BMPER: variants seen among roughly 807,000 people sequenced by gnomAD.
BMPER encodes BMP binding endothelial regulator.
BMPER carries 45 observed loss-of-function variants against 87.3 expected under a neutral mutation model. The observed-to-expected ratio is 0.52, with a 90% CI of 0.41 to 0.66. BMPER has a LOEUF of 0.66. BMPER is among the 30% of genes least tolerant of loss of function. The pLI is 0.00. For missense variants in BMPER, 784 were observed against 867.5 expected (o/e 0.90, Z 1.21); for synonymous variants, 326 against 316.2 (o/e 1.03, Z -0.33).
intron 5 of BMPER, among the ~76,000 whole-genome samples, chr7:33,974,436 C>T (rs375722739): frequency 5.3e-5 from 8 of 152,272 alleles, no homozygotes; most frequent in East Asian, 1.9e-4. Context: ...ACCCCAAGCA[C>T]GGCTCTCTAT....
At chr7:34,008,515 T>C (rs1786794206) in intron 6 of BMPER, among the ~76,000 whole-genome samples, 1 of 152,022 alleles carries the variant, frequency 6.6e-6, no homozygotes, top group Non-Finnish European at 1.5e-5. Flanking sequence ...ATGTGTCTCA[T>C]CTTTTTATGA....
At chr7:33,917,926 C>T (rs970910139) in intron 2 of BMPER, among the ~76,000 whole-genome samples, 3 of 152,134 alleles carry the variant, frequency 2.0e-5, no homozygotes, top group African/African-American at 7.2e-5. Flanking sequence ...CAGCTTGGCC[C>T]ATGGAAAGGA....
chr7:33,939,471 C>T (rs954732031), intron 3 of BMPER, among the ~76,000 whole-genome samples: 3 of 152,130 alleles, frequency 2.0e-5, no homozygotes, highest in Non-Finnish European at 2.9e-5. Flanking sequence ...GAATCCTGCC[C>T]TGCTCTAAGG....
At chr7:33,967,883 G>A (rs2128617981) in intron 4 of BMPER, among the ~76,000 whole-genome samples, 1 of 152,332 alleles carries the variant, frequency 6.6e-6, no homozygotes, top group South Asian at 2.1e-4. Context: ...AGGTTTTGAA[G>A]TTCCTTAAGT....
chr7:34,050,802 CT>C (rs1187055762), intron 7 of BMPER, among the ~76,000 whole-genome samples: 1 of 152,070 alleles, frequency 6.6e-6, no homozygotes, highest in Admixed American at 6.6e-5. Flanking sequence ...TGTTTTGGTC[CT>C]TTTGTTCACC....
chr7:34,094,135 A>T (rs1331080465), intron 13 of BMPER, among the ~76,000 whole-genome samples: 1 of 152,192 alleles, frequency 6.6e-6, no homozygotes, highest in Non-Finnish European at 1.5e-5. Context: ...CTGTTCTGCC[A>T]TGAGCTCTCA....
At chr7:34,122,858 T>C (rs186047753) in intron 13 of BMPER, among the ~76,000 whole-genome samples, 5 of 152,346 alleles carry the variant, frequency 3.3e-5, no homozygotes, top group Non-Finnish European at 7.3e-5. Context: ...AAATCGGTAT[T>C]TACCTGATTC....
intron 6 of BMPER, among the ~76,000 whole-genome samples, chr7:34,004,074 C>G (rs1400437968): frequency 1.3e-5 from 2 of 152,092 alleles, no homozygotes; most frequent in East Asian, 3.9e-4. Flanking sequence ...ATCTCTGAGA[C>G]TCATTTTTCT....
At chr7:34,069,272 G>C (rs1788678029) in intron 11 of BMPER, among the ~76,000 whole-genome samples, 1 of 152,166 alleles carries the variant, frequency 6.6e-6, no homozygotes, top group African/African-American at 2.4e-5. Flanking sequence ...AATACACTTG[G>C]TGGGAAGTAC....
chr7:33,945,157 C>G lies in BMPER; in HGVS notation c.319+7769C>G, dbSNP rs58260488. Among the ~76,000 whole-genome samples, 371 of 151,284 alleles carry G rather than the reference C, an allele frequency of 2.5e-3. 7 individuals carry two copies. In the East Asian group the frequency reaches 0.033, roughly 14 times the overall value. ...AGGGTTTCACCGTGTTAGCCAGGATCGTCTCGATCTCCTGACCTCGTGATC... is the reference window on the plus strand; with the variant it reads ...AGGGTTTCACCGTGTTAGCCAGGATGGTCTCGATCTCCTGACCTCGTGATC... On this transcript the variant is annotated intron_variant, in intron 3 of 14. Coordinates refer to ENST00000649409, the MANE Select transcript of BMPER (RefSeq NM_001365308.1).
intron 6 of BMPER, among the ~76,000 whole-genome samples, chr7:33,982,377 C>T (rs1176176359): frequency 6.6e-6 from 1 of 152,064 alleles, no homozygotes; most frequent in African/African-American, 2.4e-5. Context: ...GGCAGTTCAT[C>T]TAACTAGTGT....
At chr7:34,027,245 A>G (rs1427930228) in intron 6 of BMPER, among the ~76,000 whole-genome samples, 1 of 152,106 alleles carries the variant, frequency 6.6e-6, no homozygotes, top group Non-Finnish European at 1.5e-5. Context: ...TTTTATTATA[A>G]CACAAAGACA....
At chr7:34,006,278 C>G (rs1416320102) in intron 6 of BMPER, among the ~76,000 whole-genome samples, 3 of 151,870 alleles carry the variant, frequency 2.0e-5, no homozygotes, top group Admixed American at 2.0e-4. Flanking sequence ...ACTTTAAAAG[C>G]CTTAGAAAAA....
At chr7:34,013,457 T>G (rs1465774790) in intron 6 of BMPER, among the ~76,000 whole-genome samples, 1 of 151,934 alleles carries the variant, frequency 6.6e-6, no homozygotes, top group African/African-American at 2.4e-5. Flanking sequence ...TAATTTATTT[T>G]ATCTTTAAAA....
intron 6 of BMPER, among the ~76,000 whole-genome samples, chr7:34,037,937 A>G (rs1787725881): frequency 6.6e-6 from 1 of 152,216 alleles, no homozygotes; most frequent in Non-Finnish European, 1.5e-5. Context: ...TTAGGAAAGC[A>G]TTAGAAACAC....
intron 6 of BMPER, among the ~76,000 whole-genome samples, chr7:34,026,165 C>T (rs1258921401): frequency 6.6e-6 from 1 of 151,914 alleles, no homozygotes; most frequent in African/African-American, 2.4e-5. Flanking sequence ...ACTGGGTGAT[C>T]CTCTTTCTTT....
At chr7:33,988,569 G>T (rs192554252) in intron 6 of BMPER, among the ~76,000 whole-genome samples, 1 of 151,866 alleles carries the variant, frequency 6.6e-6, no homozygotes, top group African/African-American at 2.4e-5. Context: ...TTTGACCAAG[G>T]TCTAGGAAAA....
At chr7:34,120,104 G>A (rs562984549) in intron 13 of BMPER, among the ~76,000 whole-genome samples, 1 of 152,218 alleles carries the variant, frequency 6.6e-6, no homozygotes, top group South Asian at 2.1e-4. Context: ...AATCATAAGG[G>A]CAGATTTTAA....
At chr7:33,915,650 T>C (rs895588628) in intron 2 of BMPER, among the ~76,000 whole-genome samples, 9 of 152,180 alleles carry the variant, frequency 5.9e-5, no homozygotes, top group African/African-American at 2.2e-4. Context: ...ATGCCCTTCA[T>C]CCGACTTAAA....
Sources: allele counts gnomAD v4.1 joint callset (sites outside exome capture counted in the v4.1 genomes callset), GRCh38; gene constraint gnomAD v4.1.1; transcripts MANE v1.5; gene names NCBI Gene and HGNC (gene_info 2026-07-23, HGNC 2026-07-21).